The following ERVV-2 variants were observed in gnomAD, a reference collection of about 807,000 sequenced individuals.
ERVV-2 encodes the protein endogenous retrovirus group V member 2 Env polyprotein.
For synonymous variants in ERVV-2, 105 were observed against 184.6 expected (o/e 0.57, Z 3.49); for missense variants, 291 against 495.1 (o/e 0.59, Z 3.91).
In ERVV-2 at chr19:53,050,854, C is replaced by G; in HGVS notation, c.1603C>G (p.Leu535Val). ...RFRETMEEFS[L>V] Reference sequence around the variant, plus strand: ...CCGGGAAACTATGGAGGAATTTTCTCTCTGAGACAGAGCAAGAGAGGGAGA... The same window carrying G: ...CCGGGAAACTATGGAGGAATTTTCTGTCTGAGACAGAGCAAGAGAGGGAGA... The change falls in exon 2 of 2, where the codon CTC becomes GTC. Residue 535 changes from leucine (L) to valine (V), a missense_variant. Transcript: ENST00000601417. The G allele has an allele frequency of 2.0e-6, 3 of 1,525,842 alleles. No homozygotes were observed. Among genetic ancestry groups the G allele is most frequent in the Non-Finnish European group, 1.7e-6 (2 of 1,142,886 alleles). 94.5% of individuals were successfully genotyped at this position (1,525,842 alleles called of 1,614,324 possible).
Position 53,044,898 on chromosome 19 carries a change from C to T in ERVV-2, c.-446C>T, listed in dbSNP as rs1430624140. On this transcript the variant is annotated 5_prime_UTR_variant, in exon 1 of 2. Transcript: ENST00000601417. ...ACCAAGAACCAGAGGACTTCCACAC[C>T]CCTCTGGGTAACATCTGGTGTTTTC... is the stretch of plus-strand genomic sequence containing the variant. 6.6e-6 allele frequency: 1 copy of T among 152,186 alleles called. No homozygotes were observed. The highest frequency in any genetic ancestry group is 1.9e-4 in the East Asian group (1 of 5,180). 9.4% of individuals were successfully genotyped at this position (152,186 alleles called of 1,614,324 possible). A position where few individuals can be genotyped will look rare whatever the true frequency, so the allele number is the denominator to read the frequency against.
chr19:53,046,753 T>C lies in ERVV-2; in HGVS notation c.-386+1795T>C, dbSNP rs1316707286. Among the ~76,000 whole-genome samples, 4 of 152,216 alleles carry C rather than the reference T, an allele frequency of 2.6e-5. No homozygotes were observed. The East Asian group carries it at 7.7e-4, about 29-fold the overall frequency. The stretch of plus-strand genomic sequence containing the variant: ...CATTAGTATTAGCCCAATATCATTA[T>C]GTATTAAGAAGACCTAGGCTGGGCG... On this transcript the variant is annotated intron_variant, in intron 1 of 1. Transcript: ENST00000601417.
chr19:53,045,222 C>T (rs1455217116), intron 1 of ERVV-2, among the ~76,000 whole-genome samples: 2 of 152,126 alleles, frequency 1.3e-5, no homozygotes, highest in African/African-American at 4.8e-5. Context: ...AGATCTGAGA[C>T]ACATGGTGAC....
intron 1 of ERVV-2, among the ~76,000 whole-genome samples, chr19:53,048,650 G>T (rs1162351425): frequency 3.4e-5 from 5 of 145,978 alleles, no homozygotes; most frequent in African/African-American, 1.3e-4. Flanking sequence ...ACTCCAGCCT[G>T]GGCGACAAGA....
intron 1 of ERVV-2, among the ~76,000 whole-genome samples, chr19:53,045,939 CG>C (rs2083889220): frequency 6.6e-6 from 1 of 152,090 alleles, no homozygotes; most frequent in African/African-American, 2.4e-5. Flanking sequence ...CTGGAGGGAC[CG>C]GCACTGGGAG....
intron 1 of ERVV-2, among the ~76,000 whole-genome samples, 192 bp from the exon 2 acceptor site, chr19:53,048,675 C>CAAA (rs34725225): frequency 0.014 from 1,322 of 92,030 alleles, 54 homozygotes; most frequent in African/African-American, 0.05. Flanking sequence ...AATTCCATCT[C>CAAA]AAAAAAAAAA....
rs57887970 is a variant in ERVV-2, at chr19:53,051,136, C to CTTTTTTTTTTTTTTTTTTTTTTTTTTTTT, written c.*305_*306insTTTTTTTTTTTTTTTTTTTTTTTTTTTTT. On this transcript the variant is annotated 3_prime_UTR_variant, in exon 2 of 2. Coordinates refer to ENST00000601417, the MANE Select transcript of ERVV-2 (RefSeq NM_001191055.2). ...TAACCCATCCTAGAACAGCCTTTTG[C>CTTTTTTTTTTTTTTTTTTTTTTTTTTTTT]TTTTTTTTTTTTTTTTTTTTTTTTT... The CTTTTTTTTTTTTTTTTTTTTTTTTTTTTT allele has an allele frequency of 2.7e-5, 3 of 110,032 alleles. No individual in the cohort carries two copies. The highest frequency in any genetic ancestry group is 1.4e-4 in the African/African-American group (3 of 21,146). The allele number at this position is 110,032 out of a possible 1,614,324, so 6.8% of individuals were successfully genotyped here.
At chr19:53,047,372 T>C (rs1297775370) in intron 1 of ERVV-2, among the ~76,000 whole-genome samples, 1 of 152,042 alleles carries the variant, frequency 6.6e-6, no homozygotes, top group East Asian at 1.9e-4. Context: ...AGAAGTCCCT[T>C]CTCTGCAGAA....
In ERVV-2 at chr19:53,044,866, C is replaced by G. The variant is rs1034585273; in HGVS notation, c.-478C>G. On this transcript the variant is annotated 5_prime_UTR_variant, in exon 1 of 2. Coordinates refer to ENST00000601417, the MANE Select transcript of ERVV-2 (RefSeq NM_001191055.2). Reference sequence around the variant, plus strand: ...TTTCTGCGCATCTCTTGACTGAATCCAAGAAGACCAAGAACCAGAGGACTT... The same window carrying G: ...TTTCTGCGCATCTCTTGACTGAATCGAAGAAGACCAAGAACCAGAGGACTT... The G allele has an allele frequency of 1.3e-5, 2 of 152,142 alleles. No homozygotes were observed. Among genetic ancestry groups the G allele is most frequent in the African/African-American group, 4.8e-5 (2 of 41,434 alleles). 9.4% of individuals were successfully genotyped at this position (152,142 alleles called of 1,614,324 possible).
At position 53,050,594 on chromosome 19, in the gene ERVV-2, A is replaced by C; in HGVS notation, c.1343A>C (p.Lys448Thr). 1 of 995,930 alleles carries C rather than the reference A, an allele frequency of 1.0e-6. No homozygotes were observed. Among genetic ancestry groups the C allele is most frequent in the Non-Finnish European group, 1.5e-6 (1 of 653,410 alleles). The allele number at this position is 995,930 out of a possible 1,614,324, so 61.7% of individuals were successfully genotyped here. ...ASARAIWEAV[K>T]SALPSLNWFV... ...GCAAGGGCCATCTGGGAGGCTGTGAAGTCTGCCCTCCCCTCCCTCAACTGG... is the reference window on the plus strand; with the variant it reads ...GCAAGGGCCATCTGGGAGGCTGTGACGTCTGCCCTCCCCTCCCTCAACTGG... Residue 448 changes from lysine (K) to threonine (T), a missense_variant, in exon 2 of 2, where the codon AAG (lysine) becomes ACG (threonine). Physicochemically the swap from Lys to Thr is moderately conservative, Grantham distance 78 (BLOSUM62 -1). Transcript: ENST00000601417.
chr19:53,050,210 G>C lies in ERVV-2; in HGVS notation c.959G>C (p.Arg320Thr), dbSNP rs1226628310. The change falls in exon 2 of 2, where the codon AGA (arginine) becomes ACA (threonine). Residue 320 changes from arginine (R) to threonine (T), a missense_variant. Arg to Thr is a moderately conservative substitution (Grantham distance 71). Coordinates refer to ENST00000601417, the MANE Select transcript of ERVV-2 (RefSeq NM_001191055.2). ...AACACCACCCAACCCAGACAGAAAA[G>C]AGCTCTGGGTCTAATACTGGCAGGG... ...IYNTTQPRQKRALGLILAGMG... is the reference protein window; with the variant it reads ...IYNTTQPRQKTALGLILAGMG... The C allele has an allele frequency of 2.6e-6, 3 of 1,154,988 alleles. No homozygotes were observed. Among genetic ancestry groups the C allele is most frequent in the Admixed American group, 4.2e-5 (2 of 47,730 alleles). The allele number at this position is 1,154,988 out of a possible 1,614,324, so 71.5% of individuals were successfully genotyped here. A position where few individuals can be genotyped will look rare whatever the true frequency, so the allele number is the denominator to read the frequency against.
intron 1 of ERVV-2, among the ~76,000 whole-genome samples, chr19:53,047,541 A>G (rs1174704294): frequency 6.6e-6 from 1 of 152,206 alleles, no homozygotes; most frequent in African/African-American, 2.4e-5. Context: ...ATCCCAGGAA[A>G]TCTAAGAAAT....
In ERVV-2 at chr19:53,050,538, G is replaced by T; in HGVS notation, c.1287G>T (p.Trp429Cys). 1 of 746,414 alleles carries T rather than the reference G, an allele frequency of 1.3e-6. No individual in the cohort carries two copies. The highest frequency in any genetic ancestry group is 2.4e-6 in the Non-Finnish European group (1 of 424,812). 46.2% of individuals were successfully genotyped at this position (746,414 alleles called of 1,614,324 possible). The change falls in exon 2 of 2, where the codon TGG (tryptophan) becomes TGT (cysteine). Residue 429 changes from tryptophan to cysteine, a missense_variant. Transcript: ENST00000601417. Reference protein sequence around the residue: ...DIKKIYDEATWLHDFGKGGAS... With the variant: ...DIKKIYDEATCLHDFGKGGAS... ...AAAAGATCTATGATGAGGCTACGTG[G>T]CTCCATGACTTTGGAAAAGGAGGTG...
chr19:53,046,900 G>A (rs567764850), intron 1 of ERVV-2, among the ~76,000 whole-genome samples: 1 of 152,260 alleles, frequency 6.6e-6, no homozygotes, highest in East Asian at 1.9e-4. Context: ...GGGCACGGTG[G>A]CTGATGCCTA....
In ERVV-2 at chr19:53,046,299, A is replaced by G. The variant is rs115642817; in HGVS notation, c.-386+1341A>G. On this transcript the variant is annotated intron_variant, in intron 1 of 1. Coordinates refer to ENST00000601417, the MANE Select transcript of ERVV-2 (RefSeq NM_001191055.2). ...GAAAGAAAGAAATCCCTCACTTATT[A>G]TTGGGTCCTTCTCCGCCTGCCTACT... 1.5e-3 allele frequency among the ~76,000 whole-genome samples: 222 copies of G among 151,926 alleles called. 3 individuals are homozygous for G. Among genetic ancestry groups the G allele is most frequent in the African/African-American group, 5.0e-3 (207 of 41,464 alleles).
intron 1 of ERVV-2, among the ~76,000 whole-genome samples, chr19:53,045,939 C>T (rs1040892387): frequency 6.6e-5 from 10 of 152,088 alleles, no homozygotes; most frequent in South Asian, 2.1e-4. Context: ...CTGGAGGGAC[C>T]GGCACTGGGA....
intron 1 of ERVV-2, among the ~76,000 whole-genome samples, chr19:53,047,445 G>T (rs777645442): frequency 6.6e-6 from 1 of 152,206 alleles, no homozygotes; most frequent in Admixed American, 6.5e-5. Flanking sequence ...CATGAGAGAA[G>T]AGAAGAGAAC....
chr19:53,050,389 G>A lies in ERVV-2; in HGVS notation c.1138G>A (p.Val380Ile). The A allele has an allele frequency of 1.1e-5, 8 of 759,380 alleles. No homozygotes were observed. Among genetic ancestry groups the A allele is most frequent in the Non-Finnish European group, 1.8e-5 (8 of 436,668 alleles). 47.0% of individuals were successfully genotyped at this position (759,380 alleles called of 1,614,324 possible). Residue 380 changes from valine to isoleucine, a missense_variant, in exon 2 of 2, where the codon GTA becomes ATA. Physicochemically the swap from Val to Ile is conservative, Grantham distance 29 (BLOSUM62 3). Coordinates refer to ENST00000601417, the MANE Select transcript of ERVV-2 (RefSeq NM_001191055.2). ...GGCCTCCATAGATTCTCTAGCAAAT[G>A]TAGTCATGGACAACAGATTGGCCTT... The part of the protein sequence containing the change: ...LKASIDSLAN[V>I]VMDNRLALDY...
Position 53,049,984 on chromosome 19 carries a change from C to T in ERVV-2, c.733C>T (p.Pro245Ser). 1 of 1,503,236 alleles carries T rather than the reference C, an allele frequency of 6.7e-7. No homozygotes were observed. The highest frequency in any genetic ancestry group is 8.9e-7 in the Non-Finnish European group (1 of 1,127,882). The allele number at this position is 1,503,236 out of a possible 1,614,324, so 93.1% of individuals were successfully genotyped here. The change falls in exon 2 of 2, where the codon CCC becomes TCC. Residue 245 changes from proline (P) to serine (S), a missense_variant. Transcript: ENST00000601417. ...ACACAAGTGGTTCGACAGCCACATC[C>T]CCCGGTGGGCCTGTACCCCTCCTGG... ...QLHKWFDSHI[P>S]RWACTPPGYV...
Sources: gnomAD v4.1 joint callset for allele counts (sites outside exome capture counted in the v4.1 genomes callset) on GRCh38, gnomAD v4.1.1 for gene constraint, MANE v1.5 for transcripts, NCBI Gene and HGNC (gene_info 2026-07-23, HGNC 2026-07-21) for gene names.